SPMIP2: variants seen among roughly 807,000 people sequenced by gnomAD.
SPMIP2 encodes the protein sperm microtubule inner protein 2.
chr4:158,953,296 G>A, the SPMIP2 span, among the ~76,000 whole-genome samples: 292 of 152,332 alleles, frequency 1.9e-3, 1 homozygote, highest in Middle Eastern at 6.8e-3. Flanking sequence ...TCCAGCCATG[G>A]CTGAAAGGGG....
At chr4:158,938,388 C>G in the SPMIP2 span, among the ~76,000 whole-genome samples, 1 of 152,208 alleles carries the variant, frequency 6.6e-6, no homozygotes, top group African/African-American at 2.4e-5. Flanking sequence ...AAATTACATG[C>G]ACCATATGCT....
the SPMIP2 span, among the ~76,000 whole-genome samples, chr4:158,923,804 C>A: frequency 6.6e-6 from 1 of 152,100 alleles, no homozygotes; most frequent in African/African-American, 2.4e-5. Flanking sequence ...ATAGAATAAA[C>A]ACATGCAGTT....
the SPMIP2 span, among the ~76,000 whole-genome samples, chr4:159,046,013 G>A: frequency 1.3e-5 from 2 of 152,170 alleles, no homozygotes; most frequent in Non-Finnish European, 2.9e-5. Flanking sequence ...CCTTTGGAAA[G>A]CCGAGGCGGG....
chr4:158,922,884 G>T, the SPMIP2 span, among the ~76,000 whole-genome samples: 6 of 152,110 alleles, frequency 3.9e-5, no homozygotes, highest in Non-Finnish European at 8.8e-5. Context: ...TTCAAGAATT[G>T]TCCATGTTGT....
chr4:159,033,125 A>T, the SPMIP2 span, among the ~76,000 whole-genome samples: 1 of 152,218 alleles, frequency 6.6e-6, no homozygotes, highest in African/African-American at 2.4e-5. Flanking sequence ...GTAAAAAGAA[A>T]TAAGCTATCA....
At chr4:158,927,927 G>C in the SPMIP2 span, among the ~76,000 whole-genome samples, 1 of 152,246 alleles carries the variant, frequency 6.6e-6, no homozygotes, top group Non-Finnish European at 1.5e-5. Context: ...GCGGGCCTTA[G>C]CTGCCTTCCT....
the SPMIP2 span, among the ~76,000 whole-genome samples, chr4:159,054,360 T>C: frequency 6.6e-6 from 1 of 152,152 alleles, no homozygotes; most frequent in Non-Finnish European, 1.5e-5. Flanking sequence ...TTAAAAATCA[T>C]ATCATAATGA....
the SPMIP2 span, among the ~76,000 whole-genome samples, chr4:158,992,443 T>C: frequency 6.6e-6 from 1 of 152,226 alleles, no homozygotes; most frequent in Admixed American, 6.5e-5. Context: ...TTTTCCCTAC[T>C]GGGTCACTTA....
chr4:159,028,503 G>C, the SPMIP2 span, among the ~76,000 whole-genome samples: 2 of 151,932 alleles, frequency 1.3e-5, no homozygotes, highest in Admixed American at 6.6e-5. Flanking sequence ...CTGATTTTTA[G>C]AATTTTTTGT....
chr4:159,014,451 T>C, the SPMIP2 span, among the ~76,000 whole-genome samples: 1 of 152,080 alleles, frequency 6.6e-6, no homozygotes, highest in Non-Finnish European at 1.5e-5. Context: ...AGACTCTGTC[T>C]CAAAAAAAAT....
chr4:159,006,181 C>T, the SPMIP2 span, among the ~76,000 whole-genome samples: 1 of 152,168 alleles, frequency 6.6e-6, no homozygotes. Context: ...TTCTACAATA[C>T]TTAAAGCTGG....
chr4:158,961,073 A>G, the SPMIP2 span, among the ~76,000 whole-genome samples: 6 of 152,134 alleles, frequency 3.9e-5, no homozygotes, highest in African/African-American at 1.4e-4. Flanking sequence ...TCAAATTTCT[A>G]TACTAGGATT....
the SPMIP2 span, among the ~76,000 whole-genome samples, chr4:159,044,492 TA>T: frequency 2.7e-5 from 4 of 150,754 alleles, no homozygotes; most frequent in South Asian, 2.1e-4. Context: ...TGGGAGAAGT[TA>T]AAAAAAAATC....
At chr4:158,925,752 G>A in the SPMIP2 span, among the ~76,000 whole-genome samples, 5 of 152,198 alleles carry the variant, frequency 3.3e-5, no homozygotes, top group South Asian at 2.1e-4. Context: ...CGGGTTACAC[G>A]TCTACAGCCC....
the SPMIP2 span, among the ~76,000 whole-genome samples, chr4:159,030,178 C>T: frequency 2.0e-5 from 3 of 151,998 alleles, no homozygotes; most frequent in African/African-American, 4.8e-5. Context: ...TTTGGGAGGC[C>T]GAAGTGGGCA....
At chr4:158,902,061 A>G in the SPMIP2 span, among the ~76,000 whole-genome samples, 2 of 151,944 alleles carry the variant, frequency 1.3e-5, no homozygotes, top group Non-Finnish European at 1.5e-5. Flanking sequence ...TTTGGAGGAG[A>G]GAGCATTCTG....
At chr4:159,044,606 TG>T in the SPMIP2 span, among the ~76,000 whole-genome samples, 1 of 151,742 alleles carries the variant, frequency 6.6e-6, no homozygotes, top group Non-Finnish European at 1.5e-5. Context: ...AAGAAGAGTG[TG>T]GGAAAAATGG....
At chr4:158,994,592 G>C in the SPMIP2 span, among the ~76,000 whole-genome samples, 1 of 152,232 alleles carries the variant, frequency 6.6e-6, no homozygotes, top group Admixed American at 6.5e-5. Flanking sequence ...AAATCAAAAG[G>C]AATCAAGTAG....
At chr4:158,902,766 A>C in the SPMIP2 span, among the ~76,000 whole-genome samples, 1 of 152,336 alleles carries the variant, frequency 6.6e-6, no homozygotes, top group Non-Finnish European at 1.5e-5. Flanking sequence ...TTGAACTTCC[A>C]GGCAGCTTTG....
Sources: allele counts gnomAD v4.1 joint callset (sites outside exome capture counted in the v4.1 genomes callset), GRCh38; gene constraint gnomAD v4.1.1; transcripts MANE v1.5; gene names NCBI Gene and HGNC (gene_info 2026-07-23, HGNC 2026-07-21).